The following PCDHA10 variants were observed in gnomAD, a reference collection of about 807,000 sequenced individuals.
PCDHA10 encodes protocadherin alpha 10.
In PCDHA10, 45 loss-of-function variants were observed where a neutral mutation model predicts 61.2. The ratio of observed to expected loss-of-function variants is 0.74; its 90% CI spans 0.58 to 0.94. PCDHA10 has a LOEUF of 0.94. Among genes scored for constraint, PCDHA10 ranks in the 40% least tolerant of loss-of-function variants. The probability of loss-of-function intolerance (pLI) is 0.00; values close to 1 mark genes in which losing one functional copy is unlikely to be tolerated. For missense variants in PCDHA10, 1,278 were observed against 1,236.2 expected, an observed-to-expected ratio of 1.03 and a Z score of -0.51; for synonymous variants, 602 against 548.8, an observed-to-expected ratio of 1.10 and a Z score of -1.35.
intron 1 of PCDHA10, chr5:140,967,271 A>T (rs1007708043): frequency 6.2e-7 from 1 of 1,613,338 alleles, no homozygotes; most frequent in African/African-American, 1.3e-5. Context: ...GCGCTTTCAC[A>T]TAGAGAGTGC....
intron 1 of PCDHA10, chr5:140,870,222 G>A: frequency 6.2e-7 from 1 of 1,614,180 alleles, no homozygotes; most frequent in African/African-American, 1.3e-5. Flanking sequence ...TGATCAGCGT[G>A]TCTGACCGTG....
At position 140,876,440 on chromosome 5, in the gene PCDHA10, T is replaced by C. The variant is rs369023443; in HGVS notation, c.2388+18004T>C. 23 of 1,613,876 alleles carry C rather than the reference T, an allele frequency of 1.4e-5. No individual in the cohort carries two copies. In the Admixed American group the frequency reaches 1.5e-4, roughly 11 times the overall value. On this transcript the variant is annotated intron_variant, in intron 1 of 3. Transcript: ENST00000307360. ...GCCTATGAAATTCAGGTTAACGCCA[T>C]TGATAAAGGGATTCCTTCCATGGCA...
intron 3 of PCDHA10, among the ~76,000 whole-genome samples, chr5:141,007,379 C>G (rs1178671835): frequency 7.1e-6 from 1 of 139,926 alleles, no homozygotes; most frequent in Non-Finnish European, 1.5e-5. Flanking sequence ...GATGGAACAC[C>G]ATCTCTACTA....
At chr5:140,888,551 T>G (rs2061873493) in intron 1 of PCDHA10, among the ~76,000 whole-genome samples, 1 of 152,240 alleles carries the variant, frequency 6.6e-6, no homozygotes, top group Admixed American at 6.5e-5. Flanking sequence ...TACCAATTTA[T>G]TCCTTTCAAG....
At chr5:140,941,214 C>CTTTCTTTCTTTCTTTCTTT (rs1554214039) in intron 1 of PCDHA10, among the ~76,000 whole-genome samples, 2,124 of 122,372 alleles carry the variant, frequency 0.017, 57 homozygotes, top group East Asian at 0.032. Flanking sequence ...TTTCTTTCTT[C>CTTTCTTTCTTTCTTTCTTT]CTTTCTTTCT....
chr5:140,885,638 A>C (rs1490773479), intron 1 of PCDHA10, among the ~76,000 whole-genome samples: 10 of 152,184 alleles, frequency 6.6e-5, no homozygotes, highest in Admixed American at 5.2e-4. Flanking sequence ...ATTGCCTTCC[A>C]AGTATTTTGG....
At chr5:140,876,455 C>T (rs1554168573) in intron 1 of PCDHA10, 1 of 1,613,874 alleles carries the variant, frequency 6.2e-7, no homozygotes, top group African/African-American at 1.3e-5. Flanking sequence ...AAAGGGATTC[C>T]TTCCATGGCA....
At position 140,978,970 on chromosome 5, in the gene PCDHA10, T is replaced by A; in HGVS notation, c.2410T>A (p.Trp804Arg). The change falls in exon 2 of 4, where the codon TGG (tryptophan) becomes AGG (arginine). Residue 804 changes from tryptophan to arginine, a missense_variant. Coordinates refer to ENST00000307360, the MANE Select transcript of PCDHA10 (RefSeq NM_018901.4). ...SRKPRQPNPD[W>R]RYSASLRAGM... is the part of the protein sequence containing the mutation. Reference sequence around the variant, plus strand: ...GCAGCCACGACAGCCCAACCCTGACTGGCGTTACTCTGCCTCCCTGAGAGC... The same window carrying A: ...GCAGCCACGACAGCCCAACCCTGACAGGCGTTACTCTGCCTCCCTGAGAGC... 6.2e-7 allele frequency: 1 copy of A among 1,614,216 alleles called. No homozygotes were observed. Among genetic ancestry groups the A allele is most frequent in the Admixed American group, 1.7e-5 (1 of 60,030 alleles).
At position 140,903,777 on chromosome 5, in the gene PCDHA10, T is replaced by C. The variant is rs80247548; in HGVS notation, c.2388+45341T>C. On this transcript the variant is annotated intron_variant, in intron 1 of 3. Transcript: ENST00000307360. ...GATTTTTGCTGAACTTTTCTATCCA[T>C]AAACTATCTATGGTTGTAATTGACA... 8.0e-3 allele frequency among the ~76,000 whole-genome samples: 1,216 copies of C among 152,334 alleles called. 6 individuals are homozygous for C. The highest frequency in any genetic ancestry group is 0.019 in the African/African-American group (784 of 41,582).
intron 3 of PCDHA10, among the ~76,000 whole-genome samples, chr5:140,993,683 G>A (rs2097577653): frequency 6.6e-6 from 1 of 152,080 alleles, no homozygotes; most frequent in Non-Finnish European, 1.5e-5. Flanking sequence ...TGTGACAGCT[G>A]TCCCATAAGA....
At chr5:140,982,317 AG>A in intron 2 of PCDHA10, 157 bp from the exon 3 acceptor site, 1 of 1,347,244 alleles carries the variant, frequency 7.4e-7, no homozygotes, top group East Asian at 2.5e-5. Flanking sequence ...CAGTTTATGC[AG>A]GGTGACTGCT....
intron 1 of PCDHA10, chr5:140,871,154 G>T (rs781880372): frequency 2.5e-5 from 41 of 1,613,308 alleles, no homozygotes; most frequent in Non-Finnish European, 3.5e-5. Flanking sequence ...ACTTTGGCGG[G>T]CGCCGCGAGC....
intron 1 of PCDHA10, chr5:140,967,414 C>T: frequency 6.2e-7 from 1 of 1,613,156 alleles, no homozygotes; most frequent in African/African-American, 1.3e-5. Context: ...AGGGCCTAGA[C>T]CGGGAGCAGG....
intron 3 of PCDHA10, among the ~76,000 whole-genome samples, chr5:141,000,387 CTCTCTCTCTATATA>C (rs1446529556): frequency 4.5e-4 from 30 of 66,870 alleles, no homozygotes; most frequent in African/African-American, 1.4e-3. Flanking sequence ...CTCTCTCTCT[CTCTCTCTCTATATA>C]TATATATATA....
chr5:140,997,672 GTGT>G (rs1226412114), intron 3 of PCDHA10, among the ~76,000 whole-genome samples: 3 of 148,192 alleles, frequency 2.0e-5, no homozygotes, highest in African/African-American at 7.5e-5. Context: ...TACAGCTTGT[GTGT>G]GTGTGTGTGT....
At chr5:140,957,339 TGAGA>T (rs2095352193) in intron 1 of PCDHA10, among the ~76,000 whole-genome samples, 1 of 152,152 alleles carries the variant, frequency 6.6e-6, no homozygotes, top group African/African-American at 2.4e-5. Context: ...TAAGATATTT[TGAGA>T]GAGAGACCAC....
Position 141,009,998 on chromosome 5 carries a change from T to A in PCDHA10, c.*61T>A. On this transcript the variant is annotated 3_prime_UTR_variant, in exon 4 of 4. Transcript: ENST00000307360. ...TTGTAATAATGGCAAATCTCTCCCA[T>A]GTAGCAATTCCCTGCTCCTTTTTCC... 1 of 1,575,994 alleles carries A rather than the reference T, an allele frequency of 6.3e-7. No individual in the cohort carries two copies. Among genetic ancestry groups the A allele is most frequent in the Non-Finnish European group, 8.6e-7 (1 of 1,164,944 alleles).
chr5:140,910,965 C>T (rs1554194514), intron 1 of PCDHA10, among the ~76,000 whole-genome samples: 1 of 152,098 alleles, frequency 6.6e-6, no homozygotes, highest in Non-Finnish European at 1.5e-5. Context: ...TAGCACACCT[C>T]CTCATGGGTT....
At chr5:140,983,257 A>C (rs2097036264) in intron 3 of PCDHA10, among the ~76,000 whole-genome samples, 1 of 152,214 alleles carries the variant, frequency 6.6e-6, no homozygotes, top group Non-Finnish European at 1.5e-5. Context: ...GTTGTGTAAA[A>C]AACCTAATGG....
Sources: allele counts gnomAD v4.1 joint callset (sites outside exome capture counted in the v4.1 genomes callset), GRCh38; gene constraint gnomAD v4.1.1; transcripts MANE v1.5; gene names NCBI Gene and HGNC (gene_info 2026-07-23, HGNC 2026-07-21).